UGGT1: variants seen among roughly 807,000 people sequenced by gnomAD.
UGGT1 encodes UDP-glucose:glycoprotein glucosyltransferase 1.
UGGT1 carries 107 observed loss-of-function variants against 203.9 expected under a neutral mutation model. The ratio of observed to expected loss-of-function variants is 0.52; its 90% CI spans 0.45 to 0.62. The LOEUF (loss-of-function observed/expected upper bound fraction) is 0.62. UGGT1 is among the 20% of genes least tolerant of loss of function. The pLI is 0.00. For synonymous variants in UGGT1, 628 were observed against 653.5 expected, an observed-to-expected ratio of 0.96 and a Z score of 0.59; for missense variants, 1,673 against 1,867.2, an observed-to-expected ratio of 0.90 and a Z score of 1.92.
intron 26 of UGGT1, among the ~76,000 whole-genome samples, chr2:128,166,689 C>CT (rs1323773247): frequency 6.6e-6 from 1 of 152,138 alleles, no homozygotes; most frequent in South Asian, 2.1e-4. Flanking sequence ...GTCTCACAGT[C>CT]TGAGTTGCTT....
chr2:128,139,512 A>G (rs1187753512), intron 16 of UGGT1, among the ~76,000 whole-genome samples: 1 of 152,194 alleles, frequency 6.6e-6, no homozygotes, highest in Non-Finnish European at 1.5e-5. Flanking sequence ...CACAGCTGGT[A>G]TAGGCTTGGA....
intron 1 of UGGT1, among the ~76,000 whole-genome samples, chr2:128,093,599 A>T (rs899357374): frequency 6.6e-6 from 1 of 152,202 alleles, no homozygotes; most frequent in Non-Finnish European, 1.5e-5. Context: ...AACTGTGGCC[A>T]CTGAAAATCC....
intron 8 of UGGT1, among the ~76,000 whole-genome samples, chr2:128,118,405 A>G (rs77573229): frequency 0.022 from 3,310 of 152,216 alleles, 43 homozygotes; most frequent in Non-Finnish European, 0.033. Context: ...AGCTGGGACT[A>G]CAGTTGTGTG....
intron 26 of UGGT1, among the ~76,000 whole-genome samples, chr2:128,169,048 T>TAAAAAAAAAAAAAAAAAAA (rs544381740): frequency 1.9e-5 from 1 of 52,564 alleles, no homozygotes; most frequent in African/African-American, 1.0e-4. Flanking sequence ...ACTCTGTCTT[T>TAAAAAAAAAAAAAAAAAAA]AAAAAAAAAA....
At chr2:128,092,431 C>T (rs1043315899) in intron 1 of UGGT1, among the ~76,000 whole-genome samples, 1 of 151,520 alleles carries the variant, frequency 6.6e-6, no homozygotes, top group Non-Finnish European at 1.5e-5. Context: ...GACCATAATA[C>T]TTTGTACAGT....
At position 128,116,283 on chromosome 2, in the gene UGGT1, C is replaced by T; in HGVS notation, c.812C>T (p.Thr271Ile). 1 of 1,608,276 alleles carries T rather than the reference C, an allele frequency of 6.2e-7. No individual in the cohort carries two copies. Among genetic ancestry groups the T allele is most frequent in the Non-Finnish European group, 8.5e-7 (1 of 1,174,924 alleles). ...TQVKGTEVNTTVIGENDPIDE... is the reference protein window; with the variant it reads ...TQVKGTEVNTIVIGENDPIDE... The stretch of plus-strand genomic sequence containing the variant: ...TTCATAGGAACTGAGGTAAACACCA[C>T]AGTGATTGGTGAAAATGATCCTATT... The change falls in exon 8 of 41, where the codon ACA becomes ATA. Residue 271 changes from threonine to isoleucine, a missense_variant. Around this residue, in one of 4 missense-constraint regions of UGGT1, gnomAD observed 1,073 missense variants for 1,078.7 expected, o/e 0.99. Coordinates refer to ENST00000259253, the MANE Select transcript of UGGT1 (RefSeq NM_020120.4).
At chr2:128,103,105 C>T (rs1687453672) in intron 2 of UGGT1, 1 of 470,586 alleles carries the variant, frequency 2.1e-6, no homozygotes, top group Admixed American at 2.4e-5. Flanking sequence ...GATTGTACAC[C>T]CCAGTGTTCA....
At position 128,129,080 on chromosome 2, in the gene UGGT1, A is replaced by G. The variant is rs570577436; in HGVS notation, c.1278A>G (p.Arg426=). 3.1e-6 allele frequency: 5 copies of G among 1,613,876 alleles called. No individual in the cohort carries two copies. The African/African-American group carries it at 5.3e-5, about 17-fold the overall frequency. The part of the protein sequence containing the change: ...NEARVMEGLH[R]LGIEGLSLHN... ...CTCGGGTAATGGAGGGTCTGCATAG[A>G]TTGGGAATAGAAGGCCTTTCTCTGC... The change falls in exon 13 of 41, where the codon AGA becomes AGG. Residue 426 remains arginine, a synonymous_variant. Transcript: ENST00000259253.
In UGGT1 at chr2:128,115,142, G is replaced by A. The variant is rs146323756; in HGVS notation, c.715G>A (p.Val239Ile). ...HYIFNPRKEP[V>I]YLSGYGVELA... ...CTTGCAGAATCCCAGGAAGGAGCCT[G>A]TTTACCTCTCTGGCTATGGCGTGGA... is the stretch of plus-strand genomic sequence containing the variant. The change falls in exon 7 of 41, where the codon GTT becomes ATT. Residue 239 changes from valine (V) to isoleucine (I), a missense_variant. This residue lies in a region of UGGT1 where 1,073 missense variants were observed against 1,078.7 expected (regional missense o/e 0.99). Coordinates refer to ENST00000259253, the MANE Select transcript of UGGT1 (RefSeq NM_020120.4). 7.1e-5 allele frequency: 115 copies of A among 1,614,046 alleles called. No homozygotes were observed. The highest frequency in any genetic ancestry group is 1.2e-4 in the Admixed American group (7 of 60,024).
rs571812691 is a variant in UGGT1 at position 128,147,837 on chromosome 2, G to A, written c.2016+1870G>A. Among the ~76,000 whole-genome samples, 383 of 152,052 alleles carry A rather than the reference G, an allele frequency of 2.5e-3. 2 individuals carry two copies. The highest frequency in any genetic ancestry group is 5.2e-3 in the Admixed American group (80 of 15,256). ...ATGTTGCCCAGGCAGGTCTCAGGTC[G>A]CGAACTCCTGGGCCCAAGTGATCTT... On this transcript the variant is annotated intron_variant, in intron 18 of 40. Transcript: ENST00000259253.
chr2:128,134,818 G>A (rs1476951415), intron 14 of UGGT1, 58 bp from the exon 15 acceptor site: 11 of 1,502,564 alleles, frequency 7.3e-6, no homozygotes, highest in Admixed American at 1.7e-5. Flanking sequence ...CATTTTTCTC[G>A]GCCCACAGAT....
At chr2:128,124,239 C>A (rs1414158225) in intron 11 of UGGT1, among the ~76,000 whole-genome samples, 1 of 152,188 alleles carries the variant, frequency 6.6e-6, no homozygotes, top group African/African-American at 2.4e-5. Flanking sequence ...AGCCACCGCG[C>A]CCAGCCAACT....
Position 128,133,152 on chromosome 2 carries a change from C to G in UGGT1, c.1389C>G (p.Asn463Lys). 1.2e-6 allele frequency: 2 copies of G among 1,613,924 alleles called. No homozygotes were observed. The highest frequency in any genetic ancestry group is 1.7e-6 in the Non-Finnish European group (2 of 1,179,884). ...IRSPAISWVN[N>K]LEVDSRYNSW... is the part of the protein sequence containing the mutation. ...GTTATTTTTTGTAGTGGGTCAACAA[C>G]CTGGAGGTTGATAGCAGATATAATT... Residue 463 changes from asparagine (N) to lysine (K), a missense_variant, in exon 14 of 41, where the codon AAC becomes AAG. Transcript: ENST00000259253.
intron 2 of UGGT1, among the ~76,000 whole-genome samples, chr2:128,098,295 G>A (rs905804239): frequency 6.6e-6 from 1 of 152,194 alleles, no homozygotes; most frequent in African/African-American, 2.4e-5. Flanking sequence ...GGCTGGGCAC[G>A]GTGGCTCACG....
chr2:128,157,396 C>G (rs1182692066), intron 22 of UGGT1, 50 bp downstream of exon 22: 2 of 1,470,506 alleles, frequency 1.4e-6, no homozygotes, highest in Admixed American at 1.7e-5. Flanking sequence ...CTGTAGTTGT[C>G]TTCATGGGCT....
intron 1 of UGGT1, chr2:128,091,740 G>A (rs1270258135): frequency 4.1e-6 from 2 of 484,172 alleles, no homozygotes; most frequent in African/African-American, 4.0e-5. Flanking sequence ...TCCTCAGTGA[G>A]TTGAGAAGCA....
chr2:128,123,446 C>T (rs757147023), intron 11 of UGGT1, among the ~76,000 whole-genome samples, 200 bp downstream of exon 11: 1 of 152,110 alleles, frequency 6.6e-6, no homozygotes, highest in South Asian at 2.1e-4. Context: ...GTGGTGCTAC[C>T]GTGTTGTTTA....
intron 10 of UGGT1, 135 bp from the exon 11 acceptor site, chr2:128,123,051 T>C: frequency 3.6e-6 from 2 of 561,944 alleles, no homozygotes; most frequent in East Asian, 6.2e-5. Context: ...ATTTATCAAT[T>C]ATAAAAATTT....
chr2:128,134,779 A>T, intron 14 of UGGT1, 97 bp from the exon 15 acceptor site: 1 of 987,096 alleles, frequency 1.0e-6, no homozygotes, highest in South Asian at 1.4e-5. Flanking sequence ...AGCTCGAAAA[A>T]GGTTGGCTTC....
Sources: gnomAD v4.1 joint callset for allele counts (sites outside exome capture counted in the v4.1 genomes callset) on GRCh38, gnomAD v4.1.1 for gene constraint, gnomAD v4.1.1 regional missense constraint, MANE v1.5 for transcripts, NCBI Gene and HGNC (gene_info 2026-07-23, HGNC 2026-07-21) for gene names.